Variants in MBTPS2 observed in about 807,000 individuals in gnomAD.
MBTPS2 encodes the protein membrane bound transcription factor peptidase, site 2, also known as membrane-bound transcription factor site-2 protease.
MBTPS2 carries 2 observed loss-of-function variants against 35.4 expected under a neutral mutation model. The observed-to-expected ratio is 0.06, with a 90% CI of 0.02 to 0.18. The LOEUF is 0.18. Ranked by LOEUF, MBTPS2 falls within the 10% of genes least tolerant of loss-of-function variation. MBTPS2 has a pLI of 1.00. For missense variants in MBTPS2, 244 were observed against 386.5 expected (o/e 0.63, Z 3.09); for synonymous variants, 125 against 140.4 (o/e 0.89, Z 0.77).
chrX:21,851,926 G>A lies in MBTPS2; in HGVS notation c.542+314G>A, dbSNP rs2071211. Among the ~76,000 whole-genome samples, 47,557 of 110,500 alleles carry A rather than the reference G, an allele frequency of 0.43. 7,447 individuals carry two copies. The highest frequency in any genetic ancestry group is 0.59 in the East Asian group (2,043 of 3,486). Reference sequence around the variant, plus strand: ...CCAAGTCCTAAAAGCCAATCTTTCTGTTCATCGAGTCAGAATGATAACCAC... The same window carrying A: ...CCAAGTCCTAAAAGCCAATCTTTCTATTCATCGAGTCAGAATGATAACCAC... On this transcript the variant is annotated intron_variant, in intron 4 of 10. Coordinates refer to ENST00000379484, the MANE Select transcript of MBTPS2 (RefSeq NM_015884.4).
intron 7 of MBTPS2, among the ~76,000 whole-genome samples, chrX:21,875,966 A>T (rs2092952609): frequency 1.8e-5 from 2 of 111,940 alleles, no homozygotes; most frequent in South Asian, 7.5e-4. Context: ...ATCATATGAG[A>T]TAAGGTAGTT....
At chrX:21,862,933 CAT>C (rs542223686) in intron 5 of MBTPS2, among the ~76,000 whole-genome samples, 1,098 of 27,619 alleles carry the variant, frequency 0.04, 58 homozygotes, top group African/African-American at 0.074. Flanking sequence ...TATATATAAA[CAT>C]ATATATATAT....
chrX:21,860,107 A>G (rs5951643), intron 5 of MBTPS2, among the ~76,000 whole-genome samples: 11,215 of 99,311 alleles, frequency 0.11, 170 homozygotes, highest in Admixed American at 0.19. Flanking sequence ...AAAAAAAAAA[A>G]AGAGAAAAAG....
In MBTPS2 at chrX:21,856,359, GCCTTTCTCTGCAGCTCGCC is replaced by G. The variant is rs1474964969; in HGVS notation, c.670+2861_670+2879del. 3.5e-4 allele frequency: 181 copies of G among 516,911 alleles called. 1 individual carries two copies. In the South Asian group the frequency reaches 4.9e-3, roughly 14 times the overall value. 42.6% of individuals were successfully genotyped at this position (516,911 alleles called of 1,213,427 possible). Reference sequence around the variant, plus strand: ...GCTCGCGCCTTTCTCTGCAGCTCGCGCCTTTCTCTGCAGCTCGCCCCTTCCTCTGCAGCTCGCCCCTTCC... The same window carrying G: ...GCTCGCGCCTTTCTCTGCAGCTCGCGCCTTCCTCTGCAGCTCGCCCCTTCC... On this transcript the variant is annotated intron_variant, in intron 5 of 10. Coordinates refer to ENST00000379484, the MANE Select transcript of MBTPS2 (RefSeq NM_015884.4).
chrX:21,840,089 G>C (rs756918218), intron 1 of MBTPS2, among the ~76,000 whole-genome samples: 1 of 112,465 alleles, frequency 8.9e-6, no homozygotes, highest in African/African-American at 3.2e-5. Flanking sequence ...GAGGGCCGGG[G>C]CCCTGCCAGA....
At chrX:21,861,082 GTAAAT>G (rs1430769510) in intron 5 of MBTPS2, among the ~76,000 whole-genome samples, 2 of 111,763 alleles carry the variant, frequency 1.8e-5, no homozygotes, top group African/African-American at 6.5e-5. Context: ...ATACAAATTA[GTAAAT>G]TAATAAGACA....
At chrX:21,862,930 A>AT (rs1491574353) in intron 5 of MBTPS2, among the ~76,000 whole-genome samples, 36 of 29,949 alleles carry the variant, frequency 1.2e-3, no homozygotes, top group Admixed American at 3.6e-3. Flanking sequence ...ATATATATAT[A>AT]AACATATATA....
chrX:21,839,874 T>C (rs2092900772), intron 1 of MBTPS2, 65 bp downstream of exon 1: 2 of 1,040,528 alleles, frequency 1.9e-6, no homozygotes, highest in African/African-American at 1.8e-5. Context: ...GGCCTTCTTT[T>C]CTCTTCCCCT....
intron 8 of MBTPS2, 131 bp from the exon 9 acceptor site, chrX:21,878,366 C>A: frequency 1.8e-6 from 1 of 541,577 alleles, no homozygotes; most frequent in Non-Finnish European, 3.1e-6. Flanking sequence ...ATAGTAGATG[C>A]ACATAAATGG....
intron 5 of MBTPS2, among the ~76,000 whole-genome samples, chrX:21,866,177 A>G: frequency 9.0e-6 from 1 of 111,330 alleles, no homozygotes; most frequent in Non-Finnish European, 1.9e-5. Flanking sequence ...ATTGCTTAGT[A>G]TATAAACCAG....
intron 4 of MBTPS2, 119 bp downstream of exon 4, chrX:21,851,731 G>A (rs1569322529): frequency 3.7e-6 from 2 of 541,836 alleles, no homozygotes; most frequent in African/African-American, 4.6e-5. Context: ...TGCGGCTATT[G>A]CCTAGTGCAT....
chrX:21,845,126 T>C (rs1384847128), intron 2 of MBTPS2, 45 bp from the exon 3 acceptor site: 1 of 1,208,964 alleles, frequency 8.3e-7, no homozygotes, highest in Non-Finnish European at 1.1e-6. Context: ...AGTCCATGAA[T>C]TGAGAGAAAT....
intron 2 of MBTPS2, 120 bp from the exon 3 acceptor site, chrX:21,845,049 CAG>C (rs1481088637): frequency 9.5e-7 from 1 of 1,056,425 alleles, no homozygotes; most frequent in Non-Finnish European, 1.3e-6. Context: ...GAAAAAGAAG[CAG>C]AGTTACTGAA....
intron 9 of MBTPS2, among the ~76,000 whole-genome samples, chrX:21,879,946 A>ATTTTTTTT (rs1569329172): frequency 2.5e-5 from 1 of 40,502 alleles, no homozygotes; most frequent in African/African-American, 1.9e-4. Context: ...GTTTTATGTT[A>ATTTTTTTT]TTCTTTTTTT....
chrX:21,844,109 C>CAAAT (rs57351369), intron 2 of MBTPS2, among the ~76,000 whole-genome samples: 11,560 of 96,371 alleles, frequency 0.12, 723 homozygotes, highest in Non-Finnish European at 0.13. Flanking sequence ...GACCCTATCT[C>CAAAT]AAATAAATAA....
intron 5 of MBTPS2, among the ~76,000 whole-genome samples, chrX:21,864,166 C>T (rs768389820): frequency 2.7e-5 from 3 of 112,705 alleles, no homozygotes; most frequent in Non-Finnish European, 5.6e-5. Flanking sequence ...TCTAAAATGT[C>T]TTCCCACTTC....
At chrX:21,847,571 AC>A (rs1274908620) in intron 3 of MBTPS2, among the ~76,000 whole-genome samples, 4 of 111,925 alleles carry the variant, frequency 3.6e-5, no homozygotes, top group Non-Finnish European at 7.5e-5. Flanking sequence ...AATAAGACCT[AC>A]CATCTGTTGG....
At chrX:21,877,509 G>A (rs757794245) in intron 7 of MBTPS2, among the ~76,000 whole-genome samples, 6 of 111,658 alleles carry the variant, frequency 5.4e-5, no homozygotes, top group Non-Finnish European at 1.1e-4. Flanking sequence ...TGGATTACTG[G>A]TGTACAGGCG....
At position 21,839,650 on chromosome X, in the gene MBTPS2, C is replaced by A; in HGVS notation, c.-85C>A. On this transcript the variant is annotated 5_prime_UTR_variant, in exon 1 of 11. It adds an upstream start codon to the 5' untranslated region. Transcript: ENST00000379484. Reference sequence around the variant, plus strand: ...CTTGGTTCCTGAGCGGATGCTGGGGCTGTAAGGCGCGCGCGGTCAGCTGTT... The same window carrying A: ...CTTGGTTCCTGAGCGGATGCTGGGGATGTAAGGCGCGCGCGGTCAGCTGTT... The A allele has an allele frequency of 2.0e-6, 2 of 989,745 alleles. No homozygotes were observed. Among genetic ancestry groups the A allele is most frequent in the Non-Finnish European group, 2.8e-6 (2 of 711,905 alleles). The allele number at this position is 989,745 out of a possible 1,213,427, so 81.6% of individuals were successfully genotyped here. A position where few individuals can be genotyped will look rare whatever the true frequency, so the allele number is the denominator to read the frequency against.
Sources: allele counts gnomAD v4.1 joint callset (sites outside exome capture counted in the v4.1 genomes callset), GRCh38; gene constraint gnomAD v4.1.1; transcripts MANE v1.5; gene names NCBI Gene and HGNC (gene_info 2026-07-23, HGNC 2026-07-21).